SPON1: variants seen among roughly 807,000 people sequenced by gnomAD.
SPON1 encodes the protein spondin-1.
A neutral mutation model predicts 111.7 loss-of-function variants in SPON1; 52 were observed. The ratio of observed to expected loss-of-function variants is 0.47; its 90% CI spans 0.37 to 0.59. The LOEUF is 0.59. SPON1 is among the 20% of genes least tolerant of loss of function. The pLI is 0.00. For synonymous variants in SPON1, 410 were observed against 395.8 expected, an observed-to-expected ratio of 1.04 and a Z score of -0.43; for missense variants, 957 against 1,068.5, an observed-to-expected ratio of 0.90 and a Z score of 1.46.
chr11:14,004,440 C>T (rs1011390128), intron 2 of SPON1, among the ~76,000 whole-genome samples: 7 of 151,668 alleles, frequency 4.6e-5, no homozygotes, highest in African/African-American at 7.3e-5. Context: ...TACCAATCTA[C>T]GTTTCCATCA....
rs782561665 is a variant in SPON1 at position 14,259,478 on chromosome 11, G to A, written c.1663+28G>A. 6 of 1,590,486 alleles carry A rather than the reference G, an allele frequency of 3.8e-6. No individual in the cohort carries two copies. The highest frequency in any genetic ancestry group is 3.5e-5 in the Admixed American group (2 of 56,650). On this transcript the variant is annotated intron_variant, in intron 12 of 15. Transcript: ENST00000576479. This position sits in a 1 kb window ranked among gnomAD's most constrained non-coding sequence, Gnocchi z 5.0. ...GAGTGGGGGCCCCGGGCGGGCAGGC[G>A]GGCAAGTAGGTCGGGGAGGCAGCAG... is the stretch of plus-strand genomic sequence containing the variant.
intron 5 of SPON1, among the ~76,000 whole-genome samples, chr11:14,088,949 A>C (rs1849028787): frequency 6.6e-6 from 1 of 151,510 alleles, no homozygotes; most frequent in Non-Finnish European, 1.5e-5. Context: ...TGCCTCAGGA[A>C]GTTCTCATGC....
At chr11:13,969,831 C>T (rs1470264833) in intron 1 of SPON1, among the ~76,000 whole-genome samples, 1 of 152,168 alleles carries the variant, frequency 6.6e-6, no homozygotes, top group Non-Finnish European at 1.5e-5. Context: ...TAAGTCTAGC[C>T]CTTCTAGTTT....
intron 5 of SPON1, among the ~76,000 whole-genome samples, chr11:14,133,045 A>C (rs1554927690): frequency 6.6e-6 from 1 of 152,228 alleles, no homozygotes; most frequent in African/African-American, 2.4e-5. Flanking sequence ...CTAGGATTTC[A>C]GTCCCTGTCT....
intron 5 of SPON1, among the ~76,000 whole-genome samples, chr11:14,087,994 T>C (rs1554922871): frequency 6.6e-6 from 1 of 152,224 alleles, no homozygotes; most frequent in African/African-American, 2.4e-5. Context: ...TAAATATTCC[T>C]CCATCCCTTT....
At chr11:14,015,506 A>C (rs190633776) in intron 2 of SPON1, among the ~76,000 whole-genome samples, 1 of 152,306 alleles carries the variant, frequency 6.6e-6, no homozygotes, top group Admixed American at 6.5e-5. Flanking sequence ...TTTTCAACAT[A>C]TGAATTTTAG....
intron 2 of SPON1, among the ~76,000 whole-genome samples, chr11:14,023,249 T>C (rs1554914932): frequency 6.6e-6 from 1 of 152,162 alleles, no homozygotes; most frequent in Non-Finnish European, 1.5e-5. Flanking sequence ...ATTTATTATT[T>C]TAAATGTGCG....
At chr11:14,113,990 G>A (rs1194738122) in intron 5 of SPON1, among the ~76,000 whole-genome samples, 1 of 152,130 alleles carries the variant, frequency 6.6e-6, no homozygotes, top group Non-Finnish European at 1.5e-5. Flanking sequence ...CATGCAATGT[G>A]AAATAAACAC....
intron 3 of SPON1, among the ~76,000 whole-genome samples, chr11:14,042,282 G>T (rs1302590164): frequency 6.6e-6 from 1 of 152,114 alleles, no homozygotes; most frequent in Non-Finnish European, 1.5e-5. Flanking sequence ...AATGGAAATA[G>T]ATGGGCAGGA....
At chr11:14,026,030 C>T (rs1395338751) in intron 2 of SPON1, among the ~76,000 whole-genome samples, 3 of 152,208 alleles carry the variant, frequency 2.0e-5, no homozygotes, top group Non-Finnish European at 4.4e-5. Flanking sequence ...AGAGCTTCCT[C>T]CTGTCATCCA....
intron 5 of SPON1, among the ~76,000 whole-genome samples, chr11:14,097,125 G>A (rs1258522353): frequency 6.6e-6 from 1 of 152,046 alleles, no homozygotes; most frequent in African/African-American, 2.4e-5. Flanking sequence ...AAACTCAGAC[G>A]CCAATCCAGT....
chr11:14,051,636 T>A (rs1475454377), intron 3 of SPON1, among the ~76,000 whole-genome samples: 2 of 152,162 alleles, frequency 1.3e-5, no homozygotes, highest in Non-Finnish European at 1.5e-5. Flanking sequence ...AGAGGGCCTT[T>A]ACAGGGCACT....
At chr11:14,045,809 T>A (rs1426146900) in intron 3 of SPON1, among the ~76,000 whole-genome samples, 1 of 151,938 alleles carries the variant, frequency 6.6e-6, no homozygotes, top group African/African-American at 2.4e-5. Flanking sequence ...TCTCCACCTT[T>A]CTTTTAACTT....
chr11:14,000,678 A>G (rs897331270), intron 2 of SPON1, among the ~76,000 whole-genome samples: 1 of 151,532 alleles, frequency 6.6e-6, no homozygotes, highest in African/African-American at 2.4e-5. Context: ...GTCAGCTGAC[A>G]CCCTCAGGAC....
intron 5 of SPON1, among the ~76,000 whole-genome samples, chr11:14,081,550 G>A (rs1848962256): frequency 6.6e-6 from 1 of 152,066 alleles, no homozygotes; most frequent in East Asian, 1.9e-4. Flanking sequence ...TCCTATGCCT[G>A]CCTTTTGTTT....
chr11:14,238,817 T>C (rs868946580), intron 6 of SPON1, among the ~76,000 whole-genome samples: 20 of 152,290 alleles, frequency 1.3e-4, no homozygotes, highest in South Asian at 6.2e-4. Context: ...CTGTAGTATC[T>C]TTGGGTTTTT....
At chr11:14,090,611 G>A (rs537099974) in intron 5 of SPON1, among the ~76,000 whole-genome samples, 4 of 151,966 alleles carry the variant, frequency 2.6e-5, no homozygotes, top group African/African-American at 4.8e-5. Flanking sequence ...GGAGTTGTTC[G>A]TTCCTCCTGG....
chr11:14,158,883 G>A (rs1021819428), intron 6 of SPON1, among the ~76,000 whole-genome samples: 1 of 152,004 alleles, frequency 6.6e-6, no homozygotes, highest in Admixed American at 6.6e-5. Context: ...TCTGATTTGT[G>A]TCTCTAACCC....
intron 1 of SPON1, among the ~76,000 whole-genome samples, chr11:13,978,997 G>A (rs1369756406): frequency 6.6e-6 from 1 of 152,192 alleles, no homozygotes; most frequent in African/African-American, 2.4e-5. Context: ...GTTCCCCGGA[G>A]GCTGATTGTA....
Sources: allele counts gnomAD v4.1 joint callset (sites outside exome capture counted in the v4.1 genomes callset), GRCh38; gene constraint gnomAD v4.1.1; non-coding constraint Gnocchi (gnomAD v3.1); transcripts MANE v1.5; gene names NCBI Gene and HGNC (gene_info 2026-07-23, HGNC 2026-07-21).